SYNE1: variants seen among roughly 807,000 people sequenced by gnomAD.
SYNE1 encodes the protein nesprin-1.
SYNE1 carries 616 observed loss-of-function variants against 1,111.0 expected under a neutral mutation model. That is an observed-to-expected ratio of 0.55 (90% CI 0.52 to 0.59). SYNE1 has a LOEUF of 0.59. SYNE1 is among the 20% of genes least tolerant of loss of function. The pLI is 0.00. For synonymous variants in SYNE1, 3,855 were observed against 3,825.8 expected, an observed-to-expected ratio of 1.01 and a Z score of -0.28; for missense variants, 10,006 against 10,417.0, an observed-to-expected ratio of 0.96 and a Z score of 1.72.
At position 152,337,548 on chromosome 6, in the gene SYNE1, C is replaced by T. The variant is rs144891184; in HGVS notation, c.12352-531G>A. Among the ~76,000 whole-genome samples, 686 of 152,320 alleles carry T rather than the reference C, an allele frequency of 4.5e-3. 4 individuals carry two copies. The highest frequency in any genetic ancestry group is 0.015 in the African/African-American group (636 of 41,572). ...AGATAATACGCCCGCCTTGGCCTCC[C>T]AAAGTGCTGGGATTACAGGAGTGAG... is the stretch of plus-strand genomic sequence containing the variant. On this transcript the variant is annotated intron_variant, in intron 75 of 145. Transcript: ENST00000367255.
chr6:152,270,697 G>C (rs547326843), intron 98 of SYNE1, among the ~76,000 whole-genome samples: 1 of 152,156 alleles, frequency 6.6e-6, no homozygotes, highest in African/African-American at 2.4e-5. Flanking sequence ...GGAGTGTTTT[G>C]GAAGCCAGAT....
intron 140 of SYNE1, among the ~76,000 whole-genome samples, chr6:152,138,075 T>C (rs2057473769): frequency 6.6e-6 from 1 of 152,190 alleles, no homozygotes; most frequent in African/African-American, 2.4e-5. Context: ...ATGCATTTCA[T>C]AATGCAGCCA....
chr6:152,636,720 G>A lies in SYNE1; in HGVS notation c.-306C>T, dbSNP rs1005243225. 2 of 152,270 alleles carry A rather than the reference G, an allele frequency of 1.3e-5. No individual in the cohort carries two copies. The allele number at this position is 152,270 out of a possible 1,614,324, so 9.4% of individuals were successfully genotyped here. On this transcript the variant is annotated 5_prime_UTR_variant, in exon 2 of 146. Coordinates refer to ENST00000367255, the MANE Select transcript of SYNE1 (RefSeq NM_182961.4). ...CTCCCGGCTCTCTGCGCCCAGGCTC[G>A]GCGGGACCCCGGGGATGCGCGGCTG...
At chr6:152,533,824 C>A (rs746873130) in intron 4 of SYNE1, among the ~76,000 whole-genome samples, 7 of 152,032 alleles carry the variant, frequency 4.6e-5, no homozygotes, top group Non-Finnish European at 1.0e-4. Context: ...GCTTATTAAA[C>A]AGCATTTTAA....
intron 49 of SYNE1, among the ~76,000 whole-genome samples, chr6:152,397,805 AGCCTG>A (rs2097758591): frequency 1.3e-5 from 2 of 152,104 alleles, no homozygotes; most frequent in South Asian, 4.1e-4. Context: ...GTTTGAGACC[AGCCTG>A]GCCTACATGG....
chr6:152,574,535 T>C lies in SYNE1; in HGVS notation c.68-34514A>G, dbSNP rs148685227. Among the ~76,000 whole-genome samples, 641 of 152,296 alleles carry C rather than the reference T, an allele frequency of 4.2e-3. 3 individuals are homozygous for C. Among genetic ancestry groups the C allele is most frequent in the African/African-American group, 0.015 (611 of 41,566 alleles). On this transcript the variant is annotated intron_variant, in intron 3 of 145. Coordinates refer to ENST00000367255, the MANE Select transcript of SYNE1 (RefSeq NM_182961.4). ...ACTCTCTTCAGTCTTTGTTGGTTGATTAAGCTTAAGCAGTCTGGTAATCAA... is the reference window on the plus strand; with the variant it reads ...ACTCTCTTCAGTCTTTGTTGGTTGACTAAGCTTAAGCAGTCTGGTAATCAA...
intron 98 of SYNE1, among the ~76,000 whole-genome samples, chr6:152,271,385 G>A (rs965494162): frequency 6.6e-6 from 1 of 152,124 alleles, no homozygotes; most frequent in African/African-American, 2.4e-5. Context: ...GAGCCCACCC[G>A]AGCTCAGAGG....
intron 11 of SYNE1, 57 bp from the exon 12 acceptor site, chr6:152,488,560 G>C: frequency 1.1e-6 from 1 of 928,518 alleles, no homozygotes; most frequent in Non-Finnish European, 1.7e-6. Flanking sequence ...TTTAATTGCT[G>C]ATTAATACTT....
At chr6:152,435,605 A>G (rs2098466795) in intron 33 of SYNE1, 1 of 326,122 alleles carries the variant, frequency 3.1e-6, no homozygotes, top group Non-Finnish European at 5.5e-6. Flanking sequence ...TGACAGCAGA[A>G]TAATATAGTA....
intron 3 of SYNE1, among the ~76,000 whole-genome samples, chr6:152,619,890 T>C (rs2099671568): frequency 6.6e-6 from 1 of 152,172 alleles, no homozygotes; most frequent in African/African-American, 2.4e-5. Flanking sequence ...CTAAATGGGC[T>C]CTACATAAGG....
intron 14 of SYNE1, among the ~76,000 whole-genome samples, chr6:152,482,096 A>T (rs2098907142): frequency 6.6e-6 from 1 of 152,104 alleles, no homozygotes; most frequent in Non-Finnish European, 1.5e-5. Flanking sequence ...GCCTCTGCAG[A>T]TCATCAAATC....
intron 98 of SYNE1, among the ~76,000 whole-genome samples, chr6:152,274,491 T>C (rs2093438303): frequency 6.6e-6 from 1 of 151,856 alleles, no homozygotes. Context: ...TTCCTCCCTG[T>C]CTATGTCTTT....
At chr6:152,355,491 C>G (rs540639338) in intron 66 of SYNE1, among the ~76,000 whole-genome samples, 1 of 152,318 alleles carries the variant, frequency 6.6e-6, no homozygotes, top group South Asian at 2.1e-4. Flanking sequence ...GAGTGCAGGG[C>G]ACACAAACTT....
intron 14 of SYNE1, among the ~76,000 whole-genome samples, chr6:152,479,749 G>C (rs2098870751): frequency 6.6e-6 from 1 of 152,120 alleles, no homozygotes; most frequent in African/African-American, 2.4e-5. Context: ...AAATAGAAAA[G>C]ATAATACAGG....
chr6:152,419,726 T>G lies in SYNE1; in HGVS notation c.5268-4A>C. ...CACAGACTGAAGAAAATTAATCCTA[T>G]GTAGACAAAGTATTAAAGTTAAAAT... On this transcript the variant is annotated splice_polypyrimidine_tract_variant and splice_region_variant and intron_variant, in intron 39 of 145. Transcript: ENST00000367255. The G allele has an allele frequency of 6.2e-7, 1 of 1,613,902 alleles. No individual in the cohort carries two copies. The highest frequency in any genetic ancestry group is 8.5e-7 in the Non-Finnish European group (1 of 1,179,860).
intron 3 of SYNE1, among the ~76,000 whole-genome samples, chr6:152,588,020 T>C (rs1427818426): frequency 6.6e-6 from 1 of 152,190 alleles, no homozygotes; most frequent in African/African-American, 2.4e-5. Context: ...AATAGCAGGA[T>C]TTAACTGGAC....
Position 152,526,143 on chromosome 6 carries a change from A to G in SYNE1, c.162T>C (p.Phe54=). The G allele has an allele frequency of 6.2e-7, 1 of 1,614,134 alleles. No individual in the cohort carries two copies. The highest frequency in any genetic ancestry group is 8.5e-7 in the Non-Finnish European group (1 of 1,179,990). ...GTTTAACACCATCTTTCATGTCTTC[A>G]AAAAGATCGTCCACCACCATTGGAG... ...RKPPMVVDDL[F]EDMKDGVKLL... Residue 54 remains phenylalanine, a synonymous_variant, in exon 5 of 146, where the codon TTT becomes TTC. Coordinates refer to ENST00000367255, the MANE Select transcript of SYNE1 (RefSeq NM_182961.4).
rs1198705708 is a variant in SYNE1 at position 152,526,172 on chromosome 6, TC to T, written c.132del (p.Lys45AsnfsTer13). The T allele has an allele frequency of 6.2e-7, 1 of 1,613,948 alleles. No individual in the cohort carries two copies. Among genetic ancestry groups the T allele is most frequent in the African/African-American group, 1.3e-5 (1 of 74,942 alleles). On this transcript the variant is annotated frameshift_variant and splice_region_variant, in exon 5 of 146. Coordinates refer to ENST00000367255, the MANE Select transcript of SYNE1 (RefSeq NM_182961.4). LOFTEE classifies it high-confidence loss of function. ...AGATCGTCCACCACCATTGGAGGTTTCCGCTGTAAAAGCAAAGAGGAATAAG... is the reference window on the plus strand; with the variant it reads ...AGATCGTCCACCACCATTGGAGGTTTCGCTGTAAAAGCAAAGAGGAATAAG... ...TKWINSHLAK[R>X]KPPMVVDDLF...
chr6:152,511,110 A>T lies in SYNE1; in HGVS notation c.310-7T>A, dbSNP rs1341089745. The T allele has an allele frequency of 1.2e-5, 20 of 1,609,976 alleles. No homozygotes were observed. The highest frequency in any genetic ancestry group is 1.7e-5 in the Non-Finnish European group (20 of 1,176,410). ...TAATGTTGACTAATTTAATCTGTTT[A>T]AAAAAGAGAAACTGTACTAGTAATG... On this transcript the variant is annotated splice_polypyrimidine_tract_variant and splice_region_variant and intron_variant, in intron 6 of 145. Coordinates refer to ENST00000367255, the MANE Select transcript of SYNE1 (RefSeq NM_182961.4).
Sources: gnomAD v4.1 joint callset for allele counts (sites outside exome capture counted in the v4.1 genomes callset) on GRCh38, gnomAD v4.1.1 for gene constraint, MANE v1.5 for transcripts, NCBI Gene and HGNC (gene_info 2026-07-23, HGNC 2026-07-21) for gene names.